Variants in TTYH1 observed in about 807,000 individuals in gnomAD.
The protein encoded by TTYH1 is protein tweety homolog 1.
Under a neutral mutation model 61.2 loss-of-function variants are expected in TTYH1, and 33 were observed. The observed-to-expected ratio is 0.54, with a 90% CI of 0.41 to 0.72. The LOEUF is 0.72. Ranked by LOEUF, TTYH1 falls within the 30% of genes least tolerant of loss-of-function variation. The probability of loss-of-function intolerance (pLI) is 0.00; values close to 1 mark genes in which losing one functional copy is unlikely to be tolerated. For synonymous variants in TTYH1, 308 were observed against 266.4 expected (o/e 1.16, Z -1.52); for missense variants, 538 against 575.8 (o/e 0.93, Z 0.67).
In TTYH1 at chr19:54,429,200, C is replaced by T. The variant is rs2083384761; in HGVS notation, c.735-107C>T. The T allele has an allele frequency of 9.9e-7, 1 of 1,005,436 alleles. No individual in the cohort carries two copies. The highest frequency in any genetic ancestry group is 1.4e-5 in the South Asian group (1 of 73,818). The allele number at this position is 1,005,436 out of a possible 1,614,324, so 62.3% of individuals were successfully genotyped here. A position where few individuals can be genotyped will look rare whatever the true frequency, so the allele number is the denominator to read the frequency against. The stretch of plus-strand genomic sequence containing the variant: ...TCCCTAATTCTGATCCTCCAGGCTC[C>T]AGAGGTGGGTGGAGGTGGGGGGCGG... On this transcript the variant is annotated intron_variant, in intron 5 of 13. Transcript: ENST00000376530. This position sits in a 1 kb window ranked among gnomAD's most constrained non-coding sequence, Gnocchi z 5.1.
Position 54,415,520 on chromosome 19 carries a change from G to A in TTYH1, c.-33G>A. 2.9e-6 allele frequency: 4 copies of A among 1,391,326 alleles called. No homozygotes were observed. The highest frequency in any genetic ancestry group is 3.7e-6 in the Non-Finnish European group (4 of 1,077,826). 86.2% of individuals were successfully genotyped at this position (1,391,326 alleles called of 1,614,324 possible). A position where few individuals can be genotyped will look rare whatever the true frequency, so the allele number is the denominator to read the frequency against. On this transcript the variant is annotated 5_prime_UTR_variant, in exon 1 of 14. Transcript: ENST00000376530. This position sits in a 1 kb window ranked among gnomAD's most constrained non-coding sequence, Gnocchi z 5.2. ...GACTCCGGAGGCTCCCGCAGCCCCG[G>A]CGTCCGCCCCGCTGCCCCCTCCCCC...
At position 54,415,737 on chromosome 19, in the gene TTYH1, G is replaced by A; in HGVS notation, c.126+59G>A. 7.0e-7 allele frequency: 1 copy of A among 1,420,332 alleles called. No homozygotes were observed. The highest frequency in any genetic ancestry group is 1.5e-5 in the African/African-American group (1 of 68,604). The allele number at this position is 1,420,332 out of a possible 1,614,324, so 88.0% of individuals were successfully genotyped here. ...CTGGGGGCCGGAGCTCCTGGGTCCC[G>A]AGGGAGAAGGGGGCTGGGTCACAGA... On this transcript the variant is annotated intron_variant, in intron 1 of 13. Transcript: ENST00000376530. This position sits in a 1 kb window ranked among gnomAD's most constrained non-coding sequence, Gnocchi z 5.2.
At position 54,435,837 on chromosome 19, in the gene TTYH1, CGAT is replaced by C. The variant is rs752001728; in HGVS notation, c.1281_1283del (p.Asp428del). ...CCGCATCAAACCCCAGTGACGACTA[CGAT>C]GACACAGACGATGACGACCCTTTCA... is the stretch of plus-strand genomic sequence containing the variant. On this transcript the variant is annotated inframe_deletion, in exon 12 of 14. Coordinates refer to ENST00000376530, the MANE Select transcript of TTYH1 (RefSeq NM_020659.4). The C allele has an allele frequency of 1.2e-6, 2 of 1,613,396 alleles. No homozygotes were observed. Among genetic ancestry groups the C allele is most frequent in the Non-Finnish European group, 1.7e-6 (2 of 1,179,976 alleles).
At position 54,416,870 on chromosome 19, in the gene TTYH1, C is replaced by A. The variant is rs1306572254; in HGVS notation, c.126+1192C>A. 2 of 1,291,288 alleles carry A rather than the reference C, an allele frequency of 1.5e-6. No homozygotes were observed. Among genetic ancestry groups the A allele is most frequent in the Non-Finnish European group, 2.0e-6 (2 of 987,894 alleles). The allele number at this position is 1,291,288 out of a possible 1,614,324, so 80.0% of individuals were successfully genotyped here. ...GGCCCAGACTCACGCCCGCTCTGGC[C>A]CGGAGACCTCCCGAAGCCGCACGCG... is the stretch of plus-strand genomic sequence containing the variant. On this transcript the variant is annotated intron_variant, in intron 1 of 13. Transcript: ENST00000376530. This position sits in a 1 kb window ranked among gnomAD's most constrained non-coding sequence, Gnocchi z 7.0.
Position 54,421,001 on chromosome 19 carries a change from C to A in TTYH1, c.306-276C>A, listed in dbSNP as rs967643813. On this transcript the variant is annotated intron_variant, in intron 2 of 13. Transcript: ENST00000376530. This position sits in a 1 kb window ranked among gnomAD's most constrained non-coding sequence, Gnocchi z 4.8. ...ACTGGGGTTCTGCTCCAGGGAGGTGCGAGTTAAATCGGGGGCTCCCTCCCC... is the reference window on the plus strand; with the variant it reads ...ACTGGGGTTCTGCTCCAGGGAGGTGAGAGTTAAATCGGGGGCTCCCTCCCC... Among the ~76,000 whole-genome samples the A allele has an allele frequency of 6.6e-6, 1 of 152,042 alleles. No individual in the cohort carries two copies. Among genetic ancestry groups the A allele is most frequent in the African/African-American group, 2.4e-5 (1 of 41,386 alleles).
At position 54,429,364 on chromosome 19, in the gene TTYH1, G is replaced by C. The variant is rs149066224; in HGVS notation, c.792G>C (p.Glu264Asp). Residue 264 changes from glutamate to aspartate, a missense_variant, in exon 6 of 14, where the codon GAG (glutamate) becomes GAC (aspartate). Glu to Asp is a conservative substitution (Grantham distance 45). This residue lies in a region of TTYH1 where 378 missense variants were observed against 401.2 expected (regional missense o/e 0.94). Transcript: ENST00000376530. This position sits in a 1 kb window ranked among gnomAD's most constrained non-coding sequence, Gnocchi z 5.1. ...TGAGCTGGGGCTCCATGGGCCTGGA[G>C]GCAGCCACGGCCGTGGTGAGTGCCA... ...LVLSWGSMGL[E>D]AATAVGLSDF... The C allele has an allele frequency of 4.4e-5, 71 of 1,613,970 alleles. No homozygotes were observed. In the African/African-American group the frequency reaches 8.8e-4, roughly 20 times the overall value.
At chr19:54,432,667 C>G (rs566318381) in intron 10 of TTYH1, 3 of 152,444 alleles carry the variant, frequency 2.0e-5, no homozygotes, top group African/African-American at 7.2e-5. Flanking sequence ...GCCCCCTCCC[C>G]ATCCATCCCC....
In TTYH1 at chr19:54,420,607, T is replaced by A. The variant is rs1264211811; in HGVS notation, c.306-670T>A. 1 of 161,212 alleles carries A rather than the reference T, an allele frequency of 6.2e-6. No individual in the cohort carries two copies. The highest frequency in any genetic ancestry group is 1.5e-5 in the Non-Finnish European group (1 of 68,100). 10.0% of individuals were successfully genotyped at this position (161,212 alleles called of 1,614,324 possible). On this transcript the variant is annotated intron_variant, in intron 2 of 13. Transcript: ENST00000376530. The surrounding 1 kb of genome is among the most constrained non-coding windows in gnomAD (Gnocchi z 4.8). ...ACATTCAGGTCCCACAATGGAGCTC[T>A]GTGTGTCGGTAGGGTGGGGGCGGGG... is the stretch of plus-strand genomic sequence containing the variant.
intron 10 of TTYH1, among the ~76,000 whole-genome samples, chr19:54,433,984 C>T (rs936872501): frequency 7.9e-5 from 12 of 152,074 alleles, no homozygotes; most frequent in East Asian, 1.9e-4. Context: ...TCCATTGCCC[C>T]GACAGGTCCG....
rs1249083162 is a variant in TTYH1, at chr19:54,421,337, C to T, written c.366C>T (p.Leu122=). The T allele has an allele frequency of 1.2e-6, 2 of 1,613,886 alleles. No homozygotes were observed. Among genetic ancestry groups the T allele is most frequent in the East Asian group, 4.5e-5 (2 of 44,878 alleles). ...NSETSDGVSQ[L]SSALLHANHT... is the part of the protein sequence containing the mutation. ...AGACCAGTGATGGGGTGTCCCAGCT[C>T]AGCTCTGCGCTGCTGCACGCCAACC... is the stretch of plus-strand genomic sequence containing the variant. Residue 122 remains leucine (L), a synonymous_variant, in exon 3 of 14, where the codon CTC becomes CTT. Coordinates refer to ENST00000376530, the MANE Select transcript of TTYH1 (RefSeq NM_020659.4). The surrounding 1 kb of genome is among the most constrained non-coding windows in gnomAD (Gnocchi z 4.8).
Position 54,415,782 on chromosome 19 carries a change from G to T in TTYH1, c.126+104G>T, listed in dbSNP as rs2083064739. 7.9e-7 allele frequency: 1 copy of T among 1,272,318 alleles called. No individual in the cohort carries two copies. The highest frequency in any genetic ancestry group is 1.0e-6 in the Non-Finnish European group (1 of 963,450). 78.8% of individuals were successfully genotyped at this position (1,272,318 alleles called of 1,614,324 possible). ...CACAGATTTCCTGAGCTCCGCCGGA[G>T]GCTGGGGGCCGGCCCGGACTTTGGG... is the stretch of plus-strand genomic sequence containing the variant. On this transcript the variant is annotated intron_variant, in intron 1 of 13. Transcript: ENST00000376530. The surrounding 1 kb of genome is among the most constrained non-coding windows in gnomAD (Gnocchi z 5.2).
At chr19:54,424,496 A>C (rs970588449) in intron 4 of TTYH1, among the ~76,000 whole-genome samples, 12 of 152,244 alleles carry the variant, frequency 7.9e-5, no homozygotes, top group African/African-American at 2.9e-4. Flanking sequence ...GCAGGGCAGC[A>C]GGTGCAAGAG....
rs111972166 is a variant in TTYH1, at chr19:54,436,872, T to TAA, written c.*600_*601dup. 112 of 129,352 alleles carry TAA rather than the reference T, an allele frequency of 8.7e-4. No individual in the cohort carries two copies. Among genetic ancestry groups the TAA allele is most frequent in the African/African-American group, 2.9e-3 (103 of 35,238 alleles). The allele number at this position is 129,352 out of a possible 1,614,324, so 8.0% of individuals were successfully genotyped here. A position where few individuals can be genotyped will look rare whatever the true frequency, so the allele number is the denominator to read the frequency against. Reference sequence around the variant, plus strand: ...CAAGGGGTCCAAAGACATTGTTCTTTAAAAAAAAAAAAAAAAAAATCAAAA... The same window carrying TAA: ...CAAGGGGTCCAAAGACATTGTTCTTTAAAAAAAAAAAAAAAAAAAAATCAAAA... On this transcript the variant is annotated 3_prime_UTR_variant, in exon 14 of 14. Transcript: ENST00000376530. The surrounding 1 kb of genome is among the most constrained non-coding windows in gnomAD (Gnocchi z 4.3).
chr19:54,416,773 G>T lies in TTYH1; in HGVS notation c.126+1095G>T, dbSNP rs1599879145. Reference sequence around the variant, plus strand: ...CCTCTCCCCACACACGGGGACCGCCGTCCCCTCGCCCACAGCCTCGCGGTT... The same window carrying T: ...CCTCTCCCCACACACGGGGACCGCCTTCCCCTCGCCCACAGCCTCGCGGTT... On this transcript the variant is annotated intron_variant, in intron 1 of 13. Transcript: ENST00000376530. This position sits in a 1 kb window ranked among gnomAD's most constrained non-coding sequence, Gnocchi z 7.0. The T allele has an allele frequency of 7.7e-7, 1 of 1,293,208 alleles. No homozygotes were observed. The allele number at this position is 1,293,208 out of a possible 1,614,324, so 80.1% of individuals were successfully genotyped here.
In TTYH1 at chr19:54,434,215, C is replaced by A. The variant is rs547658027; in HGVS notation, c.1126-1327C>A. 1 of 152,724 alleles carries A rather than the reference C, an allele frequency of 6.5e-6. No individual in the cohort carries two copies. The highest frequency in any genetic ancestry group is 6.5e-5 in the Admixed American group (1 of 15,272). 9.5% of individuals were successfully genotyped at this position (152,724 alleles called of 1,614,324 possible). A position where few individuals can be genotyped will look rare whatever the true frequency, so the allele number is the denominator to read the frequency against. On this transcript the variant is annotated intron_variant, in intron 10 of 13. Coordinates refer to ENST00000376530, the MANE Select transcript of TTYH1 (RefSeq NM_020659.4). The surrounding 1 kb of genome is among the most constrained non-coding windows in gnomAD (Gnocchi z 4.3). ...CCACAGGGGCCTCTTCCCTGTCCCC[C>A]CTCGCCTACCCCCGTCTGTCCTCCA...
intron 10 of TTYH1, 187 bp downstream of exon 10, chr19:54,431,378 A>T: frequency 1.7e-6 from 1 of 575,226 alleles, no homozygotes; most frequent in Non-Finnish European, 3.1e-6. Context: ...CTACCTACCT[A>T]TCAAGCATTA....
Position 54,435,697 on chromosome 19 carries a change from G to T in TTYH1, c.1268+13G>T, listed in dbSNP as rs1429833982. 1 of 1,608,430 alleles carries T rather than the reference G, an allele frequency of 6.2e-7. No homozygotes were observed. The highest frequency in any genetic ancestry group is 8.5e-7 in the Non-Finnish European group (1 of 1,177,288). On this transcript the variant is annotated intron_variant, in intron 11 of 13. Coordinates refer to ENST00000376530, the MANE Select transcript of TTYH1 (RefSeq NM_020659.4). Reference sequence around the variant, plus strand: ...TCTTCCCACCCAGGTCAGGAGCGGGGGAGGGTAGGGTCCTGGGGAGGGAAG... The same window carrying T: ...TCTTCCCACCCAGGTCAGGAGCGGGTGAGGGTAGGGTCCTGGGGAGGGAAG...
At position 54,419,144 on chromosome 19, in the gene TTYH1, C is replaced by T. The variant is rs375614952; in HGVS notation, c.143C>T (p.Ala48Val). 45 of 1,611,806 alleles carry T rather than the reference C, an allele frequency of 2.8e-5. No individual in the cohort carries two copies. The highest frequency in any genetic ancestry group is 3.3e-4 in the Middle Eastern group (2 of 6,050). ...CTTCCCCAGGCCTTGTTGCTGGTGG[C>T]GGCCTTGGCGGGCCTGGGCTTGGGC... ...QEYQQALLLV[A>V]ALAGLGLGLS... is the part of the protein sequence containing the mutation. The change falls in exon 2 of 14, where the codon GCG becomes GTG. Residue 48 changes from alanine (A) to valine (V), a missense_variant. Transcript: ENST00000376530. The surrounding 1 kb of genome is among the most constrained non-coding windows in gnomAD (Gnocchi z 6.1).
chr19:54,423,766 G>A (rs2083266677), intron 4 of TTYH1, among the ~76,000 whole-genome samples: 1 of 152,184 alleles, frequency 6.6e-6, no homozygotes, highest in Non-Finnish European at 1.5e-5. Flanking sequence ...TGAGCAAGTG[G>A]CAGAAATCCC....
Sources: allele counts gnomAD v4.1 joint callset (sites outside exome capture counted in the v4.1 genomes callset), GRCh38; gene constraint gnomAD v4.1.1; regional missense constraint gnomAD v4.1.1; non-coding constraint Gnocchi (gnomAD v3.1); transcripts MANE v1.5; gene names NCBI Gene and HGNC (gene_info 2026-07-23, HGNC 2026-07-21).